KLF12: variants seen among roughly 807,000 people sequenced by gnomAD.
KLF12 encodes Krueppel-like factor 12.
KLF12 carries 9 observed loss-of-function variants against 37.8 expected under a neutral mutation model. That is an observed-to-expected ratio of 0.24 (90% CI 0.14 to 0.42). KLF12 has a LOEUF of 0.42. Ranked by LOEUF, KLF12 falls within the 10% of genes least tolerant of loss-of-function variation. The pLI is 1.00. For missense variants in KLF12, 411 were observed against 516.0 expected (o/e 0.80, Z 1.97); for synonymous variants, 208 against 202.1 (o/e 1.03, Z -0.25).
At chr13:73,899,578 C>T (rs1001608117) in intron 3 of KLF12, among the ~76,000 whole-genome samples, 3 of 152,070 alleles carry the variant, frequency 2.0e-5, no homozygotes, top group Admixed American at 6.5e-5. Flanking sequence ...AGGGGTGTTT[C>T]CATGAAAGAC....
chr13:73,846,825 G>A (rs1428583357), intron 3 of KLF12, among the ~76,000 whole-genome samples: 2 of 151,988 alleles, frequency 1.3e-5, no homozygotes, highest in Admixed American at 6.6e-5. Flanking sequence ...CATTAAAAAA[G>A]GGCATAAAGT....
intron 2 of KLF12, among the ~76,000 whole-genome samples, chr13:73,968,023 G>A (rs1891220974): frequency 1.3e-5 from 2 of 152,120 alleles, no homozygotes; most frequent in Non-Finnish European, 2.9e-5. Context: ...TGCTCCTTCT[G>A]CCCTATGGTG....
chr13:74,011,239 C>CAAAAAAAAAAAAAAAAAAAAAAAA (rs58892976), intron 1 of KLF12, among the ~76,000 whole-genome samples: 1 of 56,142 alleles, frequency 1.8e-5, no homozygotes, highest in African/African-American at 5.7e-5. Flanking sequence ...CAAGTCAGAG[C>CAAAAAAAAAAAAAAAAAAAAAAAA]AAAAAAAAAA....
the KLF12 span, among the ~76,000 whole-genome samples, chr13:74,305,769 G>T: frequency 4.6e-5 from 7 of 152,018 alleles, no homozygotes; most frequent in African/African-American, 1.7e-4. Flanking sequence ...CTGAAGTGAT[G>T]ATAAATTGCT....
chr13:74,095,169 T>C (rs1255898755), intron 1 of KLF12, among the ~76,000 whole-genome samples: 1 of 152,150 alleles, frequency 6.6e-6, no homozygotes, highest in Non-Finnish European at 1.5e-5. Context: ...TTTTCAAGTC[T>C]CCAGACAAAA....
At chr13:73,820,426 G>A (rs77211340) in intron 4 of KLF12, among the ~76,000 whole-genome samples, 594 of 152,336 alleles carry the variant, frequency 3.9e-3, no homozygotes, top group African/African-American at 0.013. Flanking sequence ...GACAGATAGT[G>A]AGAGAAACAT....
At chr13:74,284,153 G>A in the KLF12 span, among the ~76,000 whole-genome samples, 50 of 152,104 alleles carry the variant, frequency 3.3e-4, no homozygotes, top group Non-Finnish European at 5.0e-4. Context: ...CACCATGCCC[G>A]GCCTAGTGTG....
chr13:73,893,048 T>G (rs533162250), intron 3 of KLF12, among the ~76,000 whole-genome samples: 40 of 152,200 alleles, frequency 2.6e-4, no homozygotes, highest in African/African-American at 8.2e-4. Context: ...AACCCTTTTC[T>G]TATTTCCTAT....
At chr13:74,042,338 G>A (rs1305052788) in intron 1 of KLF12, among the ~76,000 whole-genome samples, 1 of 151,762 alleles carries the variant, frequency 6.6e-6, no homozygotes, top group Admixed American at 6.6e-5. Flanking sequence ...TTATCTACTG[G>A]CCACTGGCTA....
At chr13:74,023,074 T>C (rs976529898) in intron 1 of KLF12, among the ~76,000 whole-genome samples, 3 of 152,196 alleles carry the variant, frequency 2.0e-5, no homozygotes, top group Non-Finnish European at 4.4e-5. Flanking sequence ...TTCTCTGCTC[T>C]AGCTGCATAT....
intron 4 of KLF12, among the ~76,000 whole-genome samples, chr13:73,821,255 A>C (rs1222454279): frequency 6.6e-6 from 1 of 152,138 alleles, no homozygotes; most frequent in East Asian, 1.9e-4. Flanking sequence ...AGCAATTCCA[A>C]AGAATTCCAT....
intron 6 of KLF12, among the ~76,000 whole-genome samples, chr13:73,750,355 T>C (rs1480289403): frequency 1.3e-5 from 2 of 152,112 alleles, no homozygotes; most frequent in African/African-American, 2.4e-5. Flanking sequence ...TTCCTACCAA[T>C]AGATGAGGAT....
intron 3 of KLF12, among the ~76,000 whole-genome samples, chr13:73,884,622 GC>G (rs1352775167): frequency 6.6e-6 from 1 of 152,210 alleles, no homozygotes; most frequent in Middle Eastern, 3.2e-3. Flanking sequence ...AGAACTTTCT[GC>G]ATGATGGAAA....
intron 3 of KLF12, among the ~76,000 whole-genome samples, chr13:73,880,001 G>A (rs919607056): frequency 3.9e-5 from 6 of 152,100 alleles, no homozygotes; most frequent in African/African-American, 1.4e-4. Flanking sequence ...TCCTTCAGTC[G>A]TCTCAGTGAC....
chr13:73,711,367 AGAG>A (rs1359616374), intron 7 of KLF12, among the ~76,000 whole-genome samples: 1 of 152,236 alleles, frequency 6.6e-6, no homozygotes, highest in African/African-American at 2.4e-5. Flanking sequence ...TCTGAGCTAG[AGAG>A]GAGAAGTCAA....
intron 1 of KLF12, among the ~76,000 whole-genome samples, chr13:74,114,305 T>TA (rs976275141): frequency 2.6e-5 from 4 of 152,218 alleles, no homozygotes; most frequent in Non-Finnish European, 5.9e-5. Flanking sequence ...TAGCATTTTT[T>TA]AGCAATGAAG....
intron 3 of KLF12, among the ~76,000 whole-genome samples, chr13:73,896,029 C>G (rs546572317): frequency 6.6e-6 from 1 of 152,088 alleles, no homozygotes; most frequent in Non-Finnish European, 1.5e-5. Flanking sequence ...ACCATGTTGG[C>G]CAGGCTGGTC....
At chr13:73,698,723 T>A (rs1874326166) in intron 7 of KLF12, among the ~76,000 whole-genome samples, 1 of 152,108 alleles carries the variant, frequency 6.6e-6, no homozygotes, top group Non-Finnish European at 1.5e-5. Context: ...GATGGAAGAG[T>A]TGAATAGCTG....
intron 1 of KLF12, among the ~76,000 whole-genome samples, chr13:74,119,813 T>G (rs1877519945): frequency 6.6e-6 from 1 of 151,904 alleles, no homozygotes. Context: ...GGGTAGAAAT[T>G]TCTGAAAAAC....
Sources: allele counts gnomAD v4.1 joint callset (sites outside exome capture counted in the v4.1 genomes callset), GRCh38; gene constraint gnomAD v4.1.1; transcripts MANE v1.5; gene names NCBI Gene and HGNC (gene_info 2026-07-23, HGNC 2026-07-21).